Variants in MME observed in about 807,000 individuals in gnomAD.
MME encodes the protein membrane metalloendopeptidase.
Under a neutral mutation model 113.2 loss-of-function variants are expected in MME, and 98 were observed. The observed-to-expected ratio is 0.87, with a 90% CI of 0.74 to 1.02. The LOEUF (loss-of-function observed/expected upper bound fraction) is 1.02. Ranked by LOEUF, MME falls within the 50% of genes least tolerant of loss-of-function variation. The pLI, the probability that MME is intolerant of heterozygous loss-of-function variation, is 0.00. For synonymous variants in MME, 292 were observed against 300.6 expected (o/e 0.97, Z 0.30); for missense variants, 836 against 896.0 (o/e 0.93, Z 0.86).
chr3:155,034,197 C>G (rs894555698), intron 1 of MME, among the ~76,000 whole-genome samples: 3 of 152,066 alleles, frequency 2.0e-5, no homozygotes. Context: ...TAGCAAGTAC[C>G]AGAGCACTGT....
intron 1 of MME, among the ~76,000 whole-genome samples, chr3:155,050,059 C>A (rs567922819): frequency 6.6e-6 from 1 of 152,204 alleles, no homozygotes; most frequent in South Asian, 2.1e-4. Context: ...TCTTTAGCTC[C>A]CAGTTGTAAG....
chr3:155,115,470 C>T (rs548494990), intron 4 of MME, among the ~76,000 whole-genome samples: 1 of 152,070 alleles, frequency 6.6e-6, no homozygotes, highest in Non-Finnish European at 1.5e-5. Context: ...CTCTTGTCAC[C>T]CAGGCTGGAG....
chr3:155,122,371 C>T (rs1482809677), intron 8 of MME, among the ~76,000 whole-genome samples: 2 of 142,598 alleles, frequency 1.4e-5, no homozygotes, highest in Non-Finnish European at 3.1e-5. Context: ...AAAACCAGCT[C>T]CTGGATTCAT....
chr3:155,150,974 T>G (rs1419452442), intron 16 of MME, among the ~76,000 whole-genome samples: 1 of 152,196 alleles, frequency 6.6e-6, no homozygotes, highest in Non-Finnish European at 1.5e-5. Flanking sequence ...TGACTTATTT[T>G]GAACCTGCTT....
chr3:155,146,110 T>C (rs949367464), intron 14 of MME, among the ~76,000 whole-genome samples: 9 of 152,092 alleles, frequency 5.9e-5, no homozygotes, highest in African/African-American at 1.7e-4. Flanking sequence ...TCAAGTATCA[T>C]TGAGAAAATC....
intron 1 of MME, among the ~76,000 whole-genome samples, chr3:155,050,960 A>C (rs1299438094): frequency 6.6e-6 from 1 of 152,156 alleles, no homozygotes; most frequent in African/African-American, 2.4e-5. Flanking sequence ...GTTGGGCAGA[A>C]AGCAAAACAC....
chr3:155,065,458 A>G (rs539268546), intron 1 of MME, among the ~76,000 whole-genome samples: 1 of 152,232 alleles, frequency 6.6e-6, no homozygotes, highest in Non-Finnish European at 1.5e-5. Context: ...AGATATAAAG[A>G]CAAATGGAGA....
At position 155,116,500 on chromosome 3, in the gene MME, C is replaced by T. The variant is rs1204193735; in HGVS notation, c.380C>T (p.Thr127Ile). The T allele has an allele frequency of 2.5e-6, 4 of 1,611,908 alleles. No individual in the cohort carries two copies. The highest frequency in any genetic ancestry group is 3.4e-6 in the Non-Finnish European group (4 of 1,178,590). ...VLKDVLQEPK[T>I]EDIVAVQKAK... ...TCAGATGTCCTTCAAGAACCCAAAA[C>T]TGAAGATATAGTAGCAGTGCAGAAA... Residue 127 changes from threonine (T) to isoleucine (I), a missense_variant, in exon 5 of 23, where the codon ACT becomes ATT. Thr to Ile is a moderately conservative substitution (Grantham distance 89). Coordinates refer to ENST00000360490, the MANE Select transcript of MME (RefSeq NM_007289.4).
At chr3:155,167,582 A>G (rs1723198625) in intron 18 of MME, among the ~76,000 whole-genome samples, 1 of 152,190 alleles carries the variant, frequency 6.6e-6, no homozygotes, top group African/African-American at 2.4e-5. Flanking sequence ...GACGTGAAAT[A>G]TGTAAAGAGG....
At chr3:155,106,727 G>T (rs1717720027) in intron 3 of MME, among the ~76,000 whole-genome samples, 1 of 152,196 alleles carries the variant, frequency 6.6e-6, no homozygotes, top group Admixed American at 6.5e-5. Flanking sequence ...GTTGTCAAAA[G>T]AGATTTTTAA....
intron 1 of MME, among the ~76,000 whole-genome samples, chr3:155,043,447 T>G (rs1706167520): frequency 6.6e-6 from 1 of 151,896 alleles, no homozygotes; most frequent in African/African-American, 2.4e-5. Flanking sequence ...TTCTCCTGCC[T>G]CAGTCTTCCC....
intron 8 of MME, among the ~76,000 whole-genome samples, chr3:155,133,546 G>T (rs921059714): frequency 2.7e-5 from 4 of 150,866 alleles, no homozygotes; most frequent in Admixed American, 2.0e-4. Context: ...AGTCAACAAA[G>T]TGCCCAAGAT....
At chr3:155,120,022 G>C (rs1233203461) in intron 8 of MME, among the ~76,000 whole-genome samples, 1 of 53,086 alleles carries the variant, frequency 1.9e-5, no homozygotes, top group East Asian at 5.0e-4. Flanking sequence ...CTAGTTTACA[G>C]TCCCACCAAC....
At chr3:155,151,022 C>T (rs1721883327) in intron 16 of MME, among the ~76,000 whole-genome samples, 1 of 152,014 alleles carries the variant, frequency 6.6e-6, no homozygotes, top group South Asian at 2.1e-4. Context: ...TGGCTCAGGC[C>T]TGTAATCGCG....
rs746327119 is a variant in MME, at chr3:155,136,023, A to G, written c.721-2079A>G. On this transcript the variant is annotated intron_variant, in intron 8 of 22. Transcript: ENST00000360490. ...TGAAATTTTTGTGAAGTTGTTTATGAGTTCCAGGAGCCCTTTGGCAGAGTC... is the reference window on the plus strand; with the variant it reads ...TGAAATTTTTGTGAAGTTGTTTATGGGTTCCAGGAGCCCTTTGGCAGAGTC... Among the ~76,000 whole-genome samples the G allele has an allele frequency of 1.6e-4, 24 of 152,300 alleles. No individual in the cohort carries two copies. In the East Asian group the frequency reaches 3.3e-3, roughly 21 times the overall value.
rs114953232 is a variant in MME at position 155,142,642 on chromosome 3, G to A, written c.1188+312G>A. On this transcript the variant is annotated intron_variant, in intron 12 of 22. Coordinates refer to ENST00000360490, the MANE Select transcript of MME (RefSeq NM_007289.4). ...TTGTTACTGTGTTAAAAGTAATTTCGGGGTTATCTATTTTAATTAATTTGA... is the reference window on the plus strand; with the variant it reads ...TTGTTACTGTGTTAAAAGTAATTTCAGGGTTATCTATTTTAATTAATTTGA... Among the ~76,000 whole-genome samples the A allele has an allele frequency of 2.0e-3, 302 of 152,178 alleles. 2 individuals carry two copies. The highest frequency in any genetic ancestry group is 7.1e-3 in the African/African-American group (293 of 41,552).
chr3:155,133,767 T>C (rs1229382287), intron 8 of MME, among the ~76,000 whole-genome samples: 1 of 146,968 alleles, frequency 6.8e-6, no homozygotes, highest in Non-Finnish European at 1.5e-5. Context: ...TGTATATATA[T>C]GGTGTGTATA....
chr3:155,031,816 C>T lies in MME; in HGVS notation c.-11+7492C>T, dbSNP rs148213145. ...GGGATTACAGGTGCCCACCACCACA[C>T]CCGGCTACTTTTTTGTATTTTTAGT... On this transcript the variant is annotated intron_variant, in intron 1 of 22. Transcript: ENST00000492661. 2.0e-3 allele frequency among the ~76,000 whole-genome samples: 308 copies of T among 152,298 alleles called. 1 individual carries two copies. The highest frequency in any genetic ancestry group is 6.9e-3 in the African/African-American group (288 of 41,568).
intron 17 of MME, among the ~76,000 whole-genome samples, chr3:155,166,436 T>G (rs1348191050): frequency 6.6e-6 from 1 of 152,188 alleles, no homozygotes; most frequent in Admixed American, 6.5e-5. Flanking sequence ...TTATTGTAGA[T>G]GGATACAATT....
Sources: gnomAD v4.1 joint callset for allele counts (sites outside exome capture counted in the v4.1 genomes callset) on GRCh38, gnomAD v4.1.1 for gene constraint, MANE v1.5 for transcripts, NCBI Gene and HGNC (gene_info 2026-07-23, HGNC 2026-07-21) for gene names.